TSPAN16: variants seen among roughly 807,000 people sequenced by gnomAD.
TSPAN16 encodes tetraspanin 16.
TSPAN16 carries 23 observed loss-of-function variants against 25.2 expected under a neutral mutation model. That is an observed-to-expected ratio of 0.91 (90% CI 0.66 to 1.29). The LOEUF is 1.29. TSPAN16 is among the 50% of genes most tolerant of loss of function. The probability of loss-of-function intolerance (pLI) is 0.00; values close to 1 mark genes in which losing one functional copy is unlikely to be tolerated. For synonymous variants in TSPAN16, 123 were observed against 124.4 expected (o/e 0.99, Z 0.08); for missense variants, 272 against 299.9 (o/e 0.91, Z 0.69).
At chr19:11,305,962 C>T (rs1036677035) in intron 4 of TSPAN16, among the ~76,000 whole-genome samples, 3 of 151,984 alleles carry the variant, frequency 2.0e-5, no homozygotes, top group African/African-American at 7.2e-5. Context: ...AGGTTCATAA[C>T]TGCTGTGAAT....
chr19:11,316,211 G>A (rs1356492041), downstream of TSPAN16, among the ~76,000 whole-genome samples: 1 of 150,242 alleles, frequency 6.7e-6, no homozygotes, highest in African/African-American at 2.4e-5. Context: ...CTCCACCTCC[G>A]GGGTTCAAGT....
chr19:11,314,682 G>A (rs933279771), intron 6 of TSPAN16, among the ~76,000 whole-genome samples: 4 of 152,128 alleles, frequency 2.6e-5, no homozygotes, highest in Non-Finnish European at 5.9e-5. Flanking sequence ...AGGGTTCAGT[G>A]AAATGAGGCG....
chr19:11,325,663 C>A (rs28453057), intron 6 of TSPAN16: 56,639 of 1,383,242 alleles, frequency 0.041, 2,465 homozygotes, highest in African/African-American at 0.22. Context: ...AGAAACCTGG[C>A]TTCTAAGCCT....
rs775332479 is a variant in TSPAN16, at chr19:11,301,235, C to T, written c.377C>T (p.Thr126Ile). Residue 126 changes from threonine to isoleucine, a missense_variant, in exon 4 of 7, where the codon ACC (threonine) becomes ATC (isoleucine). Physicochemically the swap from Thr to Ile is moderately conservative, Grantham distance 89. Coordinates refer to ENST00000590327, the MANE Select transcript of TSPAN16 (RefSeq NM_001282509.2). ...GDVALEHTFV[T>I]LRKNYRGYNE... ...GTGGCCTTGGAACACACCTTCGTGA[C>T]CCTGAGGAAGAATTACAGAGGTTAC... is the stretch of plus-strand genomic sequence containing the variant. The T allele has an allele frequency of 1.2e-5, 19 of 1,613,744 alleles. No homozygotes were observed. Among genetic ancestry groups the T allele is most frequent in the Non-Finnish European group, 1.6e-5 (19 of 1,179,996 alleles).
intron 4 of TSPAN16, among the ~76,000 whole-genome samples, chr19:11,304,994 G>T (rs1449987817): frequency 2.0e-5 from 3 of 152,044 alleles, no homozygotes; most frequent in African/African-American, 7.2e-5. Flanking sequence ...GTGTTGCCCA[G>T]ACTGGTCTTG....
At chr19:11,310,434 G>A (rs893812450) in intron 5 of TSPAN16, among the ~76,000 whole-genome samples, 2 of 151,410 alleles carry the variant, frequency 1.3e-5, no homozygotes, top group African/African-American at 4.9e-5. Flanking sequence ...AGAATTGCTT[G>A]AACCCGGGAG....
intron 4 of TSPAN16, 67 bp downstream of exon 4, chr19:11,301,375 C>T (rs968853085): frequency 3.9e-5 from 48 of 1,245,328 alleles, no homozygotes; most frequent in Middle Eastern, 2.0e-4. Flanking sequence ...CGAAGTGGCT[C>T]ACACCTGTAA....
intron 6 of TSPAN16, among the ~76,000 whole-genome samples, chr19:11,315,557 A>AAAATAAATAAAT (rs201093332): frequency 2.4e-4 from 36 of 147,814 alleles, no homozygotes; most frequent in East Asian, 1.0e-3. Flanking sequence ...CTTCATCTCA[A>AAAATAAATAAAT]AAATAAATAA....
chr19:11,321,106 T>C (rs1599352364), intron 6 of TSPAN16, among the ~76,000 whole-genome samples: 1 of 150,698 alleles, frequency 6.6e-6, no homozygotes, highest in Non-Finnish European at 1.5e-5. Flanking sequence ...GAGGCGGAGG[T>C]TGCAGTGAGC....
At chr19:11,316,809 G>A (rs891523187), downstream of TSPAN16, among the ~76,000 whole-genome samples, 10 of 120,506 alleles carry the variant, frequency 8.3e-5, no homozygotes, top group African/African-American at 1.5e-4. Context: ...GACCCCCCCC[G>A]CCTTTTTTTT....
intron 4 of TSPAN16, among the ~76,000 whole-genome samples, chr19:11,305,509 AACAG>A (rs1171244503): frequency 6.6e-5 from 10 of 151,806 alleles, no homozygotes; most frequent in Non-Finnish European, 1.2e-4. Flanking sequence ...CAACCTGGGC[AACAG>A]ACAGAGACTG....
chr19:11,299,172 C>T (rs2080514969), intron 3 of TSPAN16, among the ~76,000 whole-genome samples: 1 of 151,850 alleles, frequency 6.6e-6, no homozygotes, highest in Admixed American at 6.6e-5. Flanking sequence ...TCCAGCTACT[C>T]AGGAGGCTGA....
Position 11,315,859 on chromosome 19 carries a change from G to T in TSPAN16, c.*21G>T. On this transcript the variant is annotated 3_prime_UTR_variant, in exon 7 of 7. Coordinates refer to ENST00000590327, the MANE Select transcript of TSPAN16 (RefSeq NM_001282509.2). Reference sequence around the variant, plus strand: ...GCTGACACCCAGGCCTGGAGAAGATGAGACACCTGGGCCCATCTGGCTGCT... The same window carrying T: ...GCTGACACCCAGGCCTGGAGAAGATTAGACACCTGGGCCCATCTGGCTGCT... 8.1e-7 allele frequency: 1 copy of T among 1,231,940 alleles called. No homozygotes were observed. The highest frequency in any genetic ancestry group is 3.2e-5 in the East Asian group (1 of 31,692). 76.3% of individuals were successfully genotyped at this position (1,231,940 alleles called of 1,614,324 possible).
intron 6 of TSPAN16, among the ~76,000 whole-genome samples, chr19:11,325,936 G>A (rs1249333258): frequency 6.6e-6 from 1 of 151,914 alleles, no homozygotes; most frequent in African/African-American, 2.4e-5. Context: ...AAAGTAGATG[G>A]GCGGCCAGGT....
intron 3 of TSPAN16, among the ~76,000 whole-genome samples, chr19:11,299,728 A>G (rs1386397742): frequency 6.6e-6 from 1 of 152,092 alleles, no homozygotes; most frequent in East Asian, 1.9e-4. Flanking sequence ...TAATCCCAGC[A>G]CTTTGGGAGG....
chr19:11,298,127 G>C lies in TSPAN16; in HGVS notation c.70-15G>C. 6.2e-7 allele frequency: 1 copy of C among 1,613,396 alleles called. No individual in the cohort carries two copies. The highest frequency in any genetic ancestry group is 1.7e-5 in the Admixed American group (1 of 59,984). ...AACAGATTACTTTTCTTCCTTTCTG[G>C]TTTCTGTTCTAAAGGTGTCTGGCAT... On this transcript the variant is annotated splice_polypyrimidine_tract_variant and intron_variant, in intron 1 of 6. Transcript: ENST00000590327.
chr19:11,317,813 A>T (rs947757988), downstream of TSPAN16, among the ~76,000 whole-genome samples: 1 of 149,068 alleles, frequency 6.7e-6, no homozygotes, highest in East Asian at 2.0e-4. Context: ...ACAGAGCAAT[A>T]CACTGTCTCA....
chr19:11,299,351 AC>A (rs1371429589), intron 3 of TSPAN16, among the ~76,000 whole-genome samples: 4 of 151,570 alleles, frequency 2.6e-5, no homozygotes, highest in Non-Finnish European at 5.9e-5. Flanking sequence ...GATTGTGGGG[AC>A]CCAGTGATGG....
intron 4 of TSPAN16, among the ~76,000 whole-genome samples, chr19:11,305,904 A>C (rs1174743715): frequency 6.6e-6 from 1 of 152,198 alleles, no homozygotes; most frequent in Non-Finnish European, 1.5e-5. Flanking sequence ...CGTTACTGAC[A>C]TGTGAGTGGA....
Sources: allele counts gnomAD v4.1 joint callset (sites outside exome capture counted in the v4.1 genomes callset), GRCh38; gene constraint gnomAD v4.1.1; transcripts MANE v1.5; gene names NCBI Gene and HGNC (gene_info 2026-07-23, HGNC 2026-07-21).